The following HRH1 variants were observed in gnomAD, a reference collection of about 807,000 sequenced individuals.
HRH1 encodes the protein histamine receptor H1, also known as histamine H1 receptor.
A neutral mutation model predicts 10.3 loss-of-function variants in HRH1; 6 were observed. The observed-to-expected ratio is 0.58, with a 90% CI of 0.32 to 1.15. HRH1 has a LOEUF of 1.15. Ranked by LOEUF, HRH1 falls within the 50% of genes most tolerant of loss-of-function variation. The pLI is 0.05. For synonymous variants in HRH1, 242 were observed against 236.7 expected (o/e 1.02, Z -0.21); for missense variants, 514 against 615.3 (o/e 0.84, Z 1.74).
At chr3:11,206,250 CG>C (rs1938120657) in intron 1 of HRH1, among the ~76,000 whole-genome samples, 1 of 151,972 alleles carries the variant, frequency 6.6e-6, no homozygotes, top group Non-Finnish European at 1.5e-5. Context: ...GAGGAGTAGC[CG>C]GGACTACAGG....
At chr3:11,149,902 C>T (rs1936562745), upstream of HRH1, among the ~76,000 whole-genome samples, 1 of 152,216 alleles carries the variant, frequency 6.6e-6, no homozygotes, top group African/African-American at 2.4e-5. Context: ...TTGCCTAGGA[C>T]CACAGAGCCA....
chr3:11,143,499 G>C (rs995087164), intron 1 of HRH1, among the ~76,000 whole-genome samples: 1 of 152,244 alleles, frequency 6.6e-6, no homozygotes, highest in South Asian at 2.1e-4. Flanking sequence ...GACCCTGGAA[G>C]CGATTCCTTA....
At chr3:11,184,989 T>C (rs1415790023) in intron 1 of HRH1, among the ~76,000 whole-genome samples, 1 of 151,934 alleles carries the variant, frequency 6.6e-6, no homozygotes, top group Non-Finnish European at 1.5e-5. Flanking sequence ...CCATCGGCTT[T>C]GTTTTTCCAT....
chr3:11,190,806 C>T (rs927441551), intron 1 of HRH1, among the ~76,000 whole-genome samples: 7 of 152,124 alleles, frequency 4.6e-5, no homozygotes, highest in African/African-American at 1.4e-4. Context: ...ACCCTGCTCA[C>T]GTTGAGCAGC....
chr3:11,175,581 A>G (rs1937233504), intron 1 of HRH1, among the ~76,000 whole-genome samples: 1 of 152,230 alleles, frequency 6.6e-6, no homozygotes, highest in Admixed American at 6.5e-5. Context: ...TAATATAGTA[A>G]CCACACAGTA....
intron 1 of HRH1, among the ~76,000 whole-genome samples, chr3:11,170,532 A>G (rs943934627): frequency 7.2e-5 from 11 of 152,268 alleles, no homozygotes; most frequent in Non-Finnish European, 1.6e-4. Flanking sequence ...AACGGGCAGT[A>G]TCCCATGGGC....
intron 1 of HRH1, among the ~76,000 whole-genome samples, chr3:11,197,257 A>C (rs1937698553): frequency 6.6e-6 from 1 of 151,998 alleles, no homozygotes; most frequent in Admixed American, 6.6e-5. Context: ...ACCCTTTTTT[A>C]TGTTCCTATA....
At chr3:11,140,180 C>T (rs1936264528) in intron 1 of HRH1, among the ~76,000 whole-genome samples, 1 of 152,168 alleles carries the variant, frequency 6.6e-6, no homozygotes, top group Non-Finnish European at 1.5e-5. Context: ...GACATAAAAG[C>T]TTCTGCCCAC....
At chr3:11,187,832 C>T (rs941543331) in intron 1 of HRH1, among the ~76,000 whole-genome samples, 3 of 152,126 alleles carry the variant, frequency 2.0e-5, no homozygotes, top group Non-Finnish European at 1.5e-5. Context: ...GGTGTTTTTC[C>T]ACGTTGCTGA....
intron 1 of HRH1, among the ~76,000 whole-genome samples, chr3:11,224,603 G>A (rs1938821255): frequency 6.6e-6 from 1 of 152,126 alleles, no homozygotes; most frequent in African/African-American, 2.4e-5. Flanking sequence ...GGGAGGCTGA[G>A]GCAGGAGAAT....
At chr3:11,138,837 C>G (rs1045966513) in intron 1 of HRH1, among the ~76,000 whole-genome samples, 1 of 150,524 alleles carries the variant, frequency 6.6e-6, no homozygotes, top group Admixed American at 6.6e-5. Flanking sequence ...ACCATGTCCG[C>G]CCAAATTTTT....
upstream of HRH1, among the ~76,000 whole-genome samples, chr3:11,151,979 T>G (rs1936639714): frequency 6.6e-6 from 1 of 152,186 alleles, no homozygotes; most frequent in Non-Finnish European, 1.5e-5. Context: ...GCATTGAGGT[T>G]GTCCCTTTTT....
chr3:11,221,643 A>G (rs1360011494), intron 1 of HRH1, among the ~76,000 whole-genome samples: 1 of 152,098 alleles, frequency 6.6e-6, no homozygotes, highest in African/African-American at 2.4e-5. Flanking sequence ...AACTACATTC[A>G]CAACCATGCA....
Position 11,259,789 on chromosome 3 carries a change from C to A in HRH1, c.752C>A (p.Pro251Gln). Residue 251 changes from proline (P) to glutamine (Q), a missense_variant, in exon 2 of 2, where the codon CCA (proline) becomes CAA (glutamine). Coordinates refer to ENST00000431010, the MANE Select transcript of HRH1 (RefSeq NM_001098212.2). The surrounding 1 kb of genome is among the most constrained non-coding windows in gnomAD (Gnocchi z 4.6). ...PENPKGDAKK[P>Q]GKESPWEVLK... ...AACCCCAAGGGGGATGCCAAGAAAC[C>A]AGGGAAGGAGTCTCCCTGGGAGGTT... The A allele has an allele frequency of 6.2e-7, 1 of 1,613,906 alleles. No individual in the cohort carries two copies. Among genetic ancestry groups the A allele is most frequent in the Non-Finnish European group, 8.5e-7 (1 of 1,179,988 alleles).
At chr3:11,160,078 C>CA (rs1936894652) in intron 1 of HRH1, among the ~76,000 whole-genome samples, 1 of 152,234 alleles carries the variant, frequency 6.6e-6, no homozygotes, top group African/African-American at 2.4e-5. Flanking sequence ...GCAGCTGCTT[C>CA]AGACAGTATA....
At position 11,178,479 on chromosome 3, in the gene HRH1, C is replaced by A. The variant is rs1937289064; in HGVS notation, c.-36+23925C>A. Among the ~76,000 whole-genome samples the A allele has an allele frequency of 2.6e-5, 4 of 152,246 alleles. No individual in the cohort carries two copies. The South Asian group carries it at 8.3e-4, about 32-fold the overall frequency. On this transcript the variant is annotated intron_variant, in intron 1 of 1. Transcript: ENST00000431010. ...CAGTTTCTGCGCAACCCTCTTCCAA[C>A]CTGGCTGTACCTTTGCCTCCAAAGG...
intron 1 of HRH1, among the ~76,000 whole-genome samples, chr3:11,247,799 G>GT (rs1939528964): frequency 6.6e-6 from 1 of 152,162 alleles, no homozygotes; most frequent in Non-Finnish European, 1.5e-5. Context: ...AGAAGGAAGA[G>GT]TTTATCTGAA....
intron 1 of HRH1, among the ~76,000 whole-genome samples, chr3:11,169,031 G>A (rs1029983547): frequency 6.6e-6 from 1 of 152,230 alleles, no homozygotes; most frequent in Non-Finnish European, 1.5e-5. Context: ...GCTCTCGCCT[G>A]AACAGCTGAC....
chr3:11,242,252 C>T (rs1939365208), intron 1 of HRH1, among the ~76,000 whole-genome samples: 1 of 152,044 alleles, frequency 6.6e-6, no homozygotes, highest in Non-Finnish European at 1.5e-5. Context: ...GAGGCCAAGG[C>T]AGGCGGATCA....
Sources: allele counts gnomAD v4.1 joint callset (sites outside exome capture counted in the v4.1 genomes callset), GRCh38; gene constraint gnomAD v4.1.1; non-coding constraint Gnocchi (gnomAD v3.1); transcripts MANE v1.5; gene names NCBI Gene and HGNC (gene_info 2026-07-23, HGNC 2026-07-21).